Variants in POU2AF2 observed in about 807,000 individuals in gnomAD.
POU2AF2 encodes the protein POU domain class 2-associating factor 2.
At chr11:111,280,040 C>CAAAAAAA in the POU2AF2 span, among the ~76,000 whole-genome samples, 6 of 72,612 alleles carry the variant, frequency 8.3e-5, no homozygotes, top group African/African-American at 2.9e-4. Flanking sequence ...GACTCCATCT[C>CAAAAAAA]AAAAAAAAAA....
chr11:111,257,433 C>T, the POU2AF2 span, among the ~76,000 whole-genome samples: 1 of 151,066 alleles, frequency 6.6e-6, no homozygotes, highest in African/African-American at 2.4e-5. Context: ...AATCTCGGCT[C>T]ACTGCAACTG....
At chr11:111,247,767 C>T in the POU2AF2 span, among the ~76,000 whole-genome samples, 1 of 151,176 alleles carries the variant, frequency 6.6e-6, no homozygotes, top group Non-Finnish European at 1.5e-5. Context: ...AGCCTGGTGA[C>T]AGAGCAAGAC....
chr11:111,274,401 G>C, the POU2AF2 span, among the ~76,000 whole-genome samples: 1 of 152,086 alleles, frequency 6.6e-6, no homozygotes, highest in Non-Finnish European at 1.5e-5. Flanking sequence ...TGATTGTGGT[G>C]ATAGGTCACA....
the POU2AF2 span, among the ~76,000 whole-genome samples, chr11:111,254,051 G>A: frequency 6.6e-5 from 10 of 152,114 alleles, no homozygotes; most frequent in Non-Finnish European, 1.3e-4. Flanking sequence ...TTATTTTAAA[G>A]TATTTCTCTC....
the POU2AF2 span, among the ~76,000 whole-genome samples, chr11:111,261,290 CACAT>C: frequency 3.3e-4 from 26 of 78,596 alleles, 1 homozygote; most frequent in South Asian, 6.9e-3. Context: ...CACACACACA[CACAT>C]AATTAAGTTC....
chr11:111,252,733 C>A, the POU2AF2 span, among the ~76,000 whole-genome samples: 1 of 152,002 alleles, frequency 6.6e-6, no homozygotes, highest in Non-Finnish European at 1.5e-5. Flanking sequence ...CTGTCCTCTT[C>A]AAATATTTTC....
the POU2AF2 span, among the ~76,000 whole-genome samples, chr11:111,268,397 T>C: frequency 6.6e-6 from 1 of 152,142 alleles, no homozygotes; most frequent in African/African-American, 2.4e-5. Flanking sequence ...TTTAGTAAGA[T>C]TGTTGTGTCT....
chr11:111,284,932 G>A, the POU2AF2 span, among the ~76,000 whole-genome samples: 2 of 152,114 alleles, frequency 1.3e-5, no homozygotes, highest in Non-Finnish European at 1.5e-5. Context: ...GAATAGTAAA[G>A]GTTTCTACCA....
chr11:111,286,183 C>A, the POU2AF2 span: 36 of 1,030,010 alleles, frequency 3.5e-5, no homozygotes, highest in African/African-American at 5.2e-4. Context: ...TGTTAGTGGA[C>A]GAGGGCATTT....
At chr11:111,264,276 T>C in the POU2AF2 span, among the ~76,000 whole-genome samples, 1 of 151,632 alleles carries the variant, frequency 6.6e-6, no homozygotes, top group Non-Finnish European at 1.5e-5. Context: ...TGGGCAGATC[T>C]CTTGAGGTCA....
the POU2AF2 span, among the ~76,000 whole-genome samples, chr11:111,270,271 C>CA: frequency 7.2e-5 from 11 of 152,182 alleles, no homozygotes; most frequent in Non-Finnish European, 1.3e-4. Context: ...TGCACTATTA[C>CA]AAAAAATGCA....
At chr11:111,261,642 G>C in the POU2AF2 span, among the ~76,000 whole-genome samples, 1 of 152,174 alleles carries the variant, frequency 6.6e-6, no homozygotes, top group Non-Finnish European at 1.5e-5. Flanking sequence ...GGGAGATGGG[G>C]AAGTGTCGTG....
chr11:111,283,058 C>CTTTTT, the POU2AF2 span, among the ~76,000 whole-genome samples: 40 of 118,418 alleles, frequency 3.4e-4, no homozygotes, highest in African/African-American at 1.2e-3. Flanking sequence ...AAACTTTTTA[C>CTTTTT]TTTTTTTTTT....
At chr11:111,264,541 A>G in the POU2AF2 span, among the ~76,000 whole-genome samples, 5 of 68,956 alleles carry the variant, frequency 7.3e-5, no homozygotes, top group Admixed American at 3.7e-4. Flanking sequence ...AGAAAGAAAG[A>G]AAGAAAGAAA....
chr11:111,267,278 T>C, the POU2AF2 span, among the ~76,000 whole-genome samples: 3 of 151,736 alleles, frequency 2.0e-5, no homozygotes, highest in South Asian at 2.1e-4. Context: ...CTGAATAGAG[T>C]CCCTCTTGGT....
At chr11:111,283,952 A>G in the POU2AF2 span, 2 of 815,616 alleles carry the variant, frequency 2.5e-6, no homozygotes, top group South Asian at 3.3e-5. Flanking sequence ...CTCTATTTCC[A>G]TGTTAGCGTT....
At chr11:111,286,170 C>G in the POU2AF2 span, 1 of 1,190,812 alleles carries the variant, frequency 8.4e-7, no homozygotes, top group Non-Finnish European at 1.2e-6. Context: ...CAATGCTGCT[C>G]TTTGTTAGTG....
At chr11:111,279,844 C>A in the POU2AF2 span, among the ~76,000 whole-genome samples, 4 of 151,696 alleles carry the variant, frequency 2.6e-5, no homozygotes, top group Non-Finnish European at 5.9e-5. Context: ...GAGTTCGAGA[C>A]CAGCCTGGCC....
chr11:111,263,404 C>CA, the POU2AF2 span, among the ~76,000 whole-genome samples: 5 of 147,830 alleles, frequency 3.4e-5, no homozygotes, highest in Non-Finnish European at 6.0e-5. Flanking sequence ...TGGGAACCTA[C>CA]AACACTCAGG....
Sources: gnomAD v4.1 joint callset for allele counts (sites outside exome capture counted in the v4.1 genomes callset) on GRCh38, gnomAD v4.1.1 for gene constraint, MANE v1.5 for transcripts, NCBI Gene and HGNC (gene_info 2026-07-23, HGNC 2026-07-21) for gene names.